The following TBC1D19 variants were observed in gnomAD, a reference collection of about 807,000 sequenced individuals.
TBC1D19 encodes the protein TBC1 domain family, member 19.
Under a neutral mutation model 89.0 loss-of-function variants are expected in TBC1D19, and 60 were observed. The observed-to-expected ratio is 0.67, with a 90% CI of 0.55 to 0.84. The LOEUF (loss-of-function observed/expected upper bound fraction) is 0.84, where lower values mean the gene tolerates loss of function less well. Ranked by LOEUF, TBC1D19 falls within the 40% of genes least tolerant of loss-of-function variation. The pLI is 0.00. For synonymous variants in TBC1D19, 189 were observed against 199.7 expected, an observed-to-expected ratio of 0.95 and a Z score of 0.45; for missense variants, 500 against 610.8, an observed-to-expected ratio of 0.82 and a Z score of 1.91.
intron 15 of TBC1D19, 51 bp from the exon 16 acceptor site, chr4:26,735,404 A>C: frequency 7.0e-7 from 1 of 1,418,810 alleles, no homozygotes; most frequent in South Asian, 1.3e-5. Context: ...AGCTTACCTA[A>C]TAATCAGTAG....
intron 13 of TBC1D19, among the ~76,000 whole-genome samples, chr4:26,693,441 CAT>C (rs2109176685): frequency 6.6e-6 from 1 of 152,212 alleles, no homozygotes; most frequent in African/African-American, 2.4e-5. Flanking sequence ...CACCTGTAAT[CAT>C]AGCATTTTGG....
At chr4:26,698,118 G>A (rs990550347) in intron 13 of TBC1D19, among the ~76,000 whole-genome samples, 2 of 152,090 alleles carry the variant, frequency 1.3e-5, no homozygotes, top group Non-Finnish European at 2.9e-5. Flanking sequence ...AAACCCCATC[G>A]TCTCAGCCCA....
At chr4:26,726,928 T>C (rs1717358257) in intron 15 of TBC1D19, among the ~76,000 whole-genome samples, 1 of 152,230 alleles carries the variant, frequency 6.6e-6, no homozygotes. Context: ...GTTAACGATG[T>C]TTGCCATTCT....
rs1185012609 is a variant in TBC1D19 at position 26,601,027 on chromosome 4, T to C, written c.100-12142T>C. ...GAAAAGTACAAAACAATTAAGCTCATGATAAGGATATTTCGGGGATTGATG... is the reference window on the plus strand; with the variant it reads ...GAAAAGTACAAAACAATTAAGCTCACGATAAGGATATTTCGGGGATTGATG... On this transcript the variant is annotated intron_variant, in intron 1 of 20. Transcript: ENST00000264866. Among the ~76,000 whole-genome samples the C allele has an allele frequency of 3.3e-5, 5 of 152,182 alleles. No homozygotes were observed. In the East Asian group the frequency reaches 9.6e-4, roughly 29 times the overall value.
chr4:26,681,218 C>G (rs1713307345), intron 11 of TBC1D19, among the ~76,000 whole-genome samples: 2 of 151,820 alleles, frequency 1.3e-5, no homozygotes, highest in South Asian at 4.2e-4. Flanking sequence ...TGAGATTAGT[C>G]AGGCAATTTG....
chr4:26,817,687 G>A, the TBC1D19 span, among the ~76,000 whole-genome samples: 1 of 152,040 alleles, frequency 6.6e-6, no homozygotes, highest in Admixed American at 6.6e-5. Context: ...GGTATTCTAG[G>A]CTGGGCATGG....
chr4:26,736,490 C>T (rs187500178), intron 16 of TBC1D19, among the ~76,000 whole-genome samples: 1 of 151,006 alleles, frequency 6.6e-6, no homozygotes, highest in East Asian at 2.0e-4. Context: ...CACATGTATA[C>T]GTATGTAACT....
At chr4:26,673,658 T>A in intron 10 of TBC1D19, 118 bp from the exon 11 acceptor site, 2 of 717,072 alleles carry the variant, frequency 2.8e-6, no homozygotes, top group Non-Finnish European at 4.9e-6. Context: ...AGATACGGTG[T>A]AATTATGTTA....
intron 8 of TBC1D19, among the ~76,000 whole-genome samples, chr4:26,660,954 A>T (rs1254409275): frequency 6.6e-6 from 1 of 152,160 alleles, no homozygotes; most frequent in Non-Finnish European, 1.5e-5. Context: ...CTGACTAGAC[A>T]CTGACTGATG....
chr4:26,723,575 T>C (rs1268699624), intron 15 of TBC1D19, among the ~76,000 whole-genome samples: 1 of 152,170 alleles, frequency 6.6e-6, no homozygotes, highest in Non-Finnish European at 1.5e-5. Flanking sequence ...GCATCAGACA[T>C]TTTGTTCTCT....
chr4:26,718,370 A>G (rs1308060052), intron 14 of TBC1D19, among the ~76,000 whole-genome samples: 2 of 152,004 alleles, frequency 1.3e-5, no homozygotes, highest in Non-Finnish European at 2.9e-5. Flanking sequence ...ACTTCTCTCA[A>G]AACGCTCCAC....
chr4:26,627,753 T>C (rs551968932), intron 4 of TBC1D19, among the ~76,000 whole-genome samples: 1 of 152,306 alleles, frequency 6.6e-6, no homozygotes, highest in Non-Finnish European at 1.5e-5. Flanking sequence ...TTCTCGTAAA[T>C]TTGTTTGAGT....
At chr4:26,688,802 G>A (rs1714035513) in intron 13 of TBC1D19, among the ~76,000 whole-genome samples, 1 of 152,082 alleles carries the variant, frequency 6.6e-6, no homozygotes, top group Non-Finnish European at 1.5e-5. Flanking sequence ...TCAATTTGGA[G>A]TGTCGTGATT....
At chr4:26,797,139 G>A in the TBC1D19 span, among the ~76,000 whole-genome samples, 11 of 152,012 alleles carry the variant, frequency 7.2e-5, no homozygotes, top group Non-Finnish European at 1.2e-4. Context: ...AACTCTAAAG[G>A]CTCCTCTGAA....
At chr4:26,826,296 G>A in the TBC1D19 span, among the ~76,000 whole-genome samples, 1 of 152,158 alleles carries the variant, frequency 6.6e-6, no homozygotes, top group Non-Finnish European at 1.5e-5. Context: ...CATTCTGCCT[G>A]CCCATTGTTT....
chr4:26,592,008 T>C (rs1233697732), intron 1 of TBC1D19, among the ~76,000 whole-genome samples: 1 of 152,166 alleles, frequency 6.6e-6, no homozygotes, highest in Non-Finnish European at 1.5e-5. Flanking sequence ...ATCATCCTGA[T>C]ACCAAAGCCT....
intron 1 of TBC1D19, among the ~76,000 whole-genome samples, chr4:26,597,501 A>T (rs886188302): frequency 5.3e-5 from 8 of 149,906 alleles, no homozygotes; most frequent in Non-Finnish European, 1.0e-4. Flanking sequence ...TTTTCTTAAA[A>T]ATCCAGACTG....
At chr4:26,848,094 G>A in the TBC1D19 span, among the ~76,000 whole-genome samples, 1 of 152,130 alleles carries the variant, frequency 6.6e-6, no homozygotes, top group Non-Finnish European at 1.5e-5. Flanking sequence ...AATATGACTG[G>A]GCCACAAGGT....
chr4:26,740,686 T>G, intron 17 of TBC1D19: 1 of 985,352 alleles, frequency 1.0e-6, no homozygotes, highest in Non-Finnish European at 1.2e-6. Context: ...CAGTTATGCT[T>G]TTTTTCCCCC....
Sources: allele counts gnomAD v4.1 joint callset (sites outside exome capture counted in the v4.1 genomes callset), GRCh38; gene constraint gnomAD v4.1.1; transcripts MANE v1.5; gene names NCBI Gene and HGNC (gene_info 2026-07-23, HGNC 2026-07-21).